POLR3E: variants seen among roughly 807,000 people sequenced by gnomAD.
POLR3E encodes the protein DNA-directed RNA polymerase III subunit RPC5.
POLR3E carries 41 observed loss-of-function variants against 96.6 expected under a neutral mutation model. The observed-to-expected ratio is 0.42, with a 90% CI of 0.33 to 0.55. The LOEUF (loss-of-function observed/expected upper bound fraction) is 0.55, where lower values mean the gene tolerates loss of function less well. Among genes scored for constraint, POLR3E ranks in the 20% least tolerant of loss-of-function variants. POLR3E has a pLI of 0.06. For synonymous variants in POLR3E, 396 were observed against 383.6 expected (o/e 1.03, Z -0.38); for missense variants, 849 against 952.1 (o/e 0.89, Z 1.43).
At chr16:22,317,635 CTTT>C (rs1393523057) in intron 12 of POLR3E, among the ~76,000 whole-genome samples, 4 of 145,632 alleles carry the variant, frequency 2.7e-5, no homozygotes, top group African/African-American at 1.1e-4. Flanking sequence ...GGACTAGGGG[CTTT>C]TTGTTGTTGT....
At chr16:22,298,411 G>A (rs1266623951) in intron 1 of POLR3E, among the ~76,000 whole-genome samples, 2 of 152,206 alleles carry the variant, frequency 1.3e-5, no homozygotes, top group South Asian at 2.1e-4. Context: ...CCTTCCCAGA[G>A]GTTACGTTTA....
chr16:22,308,350 C>A, intron 4 of POLR3E, 125 bp downstream of exon 4: 1 of 759,412 alleles, frequency 1.3e-6, no homozygotes. Flanking sequence ...CTCCCAGGCC[C>A]TTGAAAGCTG....
intron 10 of POLR3E, 89 bp from the exon 11 acceptor site, chr16:22,316,906 C>T: frequency 7.0e-7 from 1 of 1,435,742 alleles, no homozygotes; most frequent in Non-Finnish European, 9.8e-7. Flanking sequence ...GCTGTCTGCA[C>T]CCTCTCCCCA....
In POLR3E at chr16:22,326,348, C is replaced by T. The variant is rs1394212725; in HGVS notation, c.1866+70C>T. On this transcript the variant is annotated intron_variant, in intron 18 of 20. Coordinates refer to ENST00000299853, the MANE Select transcript of POLR3E (RefSeq NM_018119.4). Reference sequence around the variant, plus strand: ...GGGAGAACCAGCTGTTGGGAGGCCACGTGGGGACACGGGAGGCCATGCTTG... The same window carrying T: ...GGGAGAACCAGCTGTTGGGAGGCCATGTGGGGACACGGGAGGCCATGCTTG... 7 of 1,241,182 alleles carry T rather than the reference C, an allele frequency of 5.6e-6. No homozygotes were observed. In the African/African-American group the frequency reaches 6.0e-5, roughly 11 times the overall value. 76.9% of individuals were successfully genotyped at this position (1,241,182 alleles called of 1,614,324 possible).
At chr16:22,305,313 G>C in intron 3 of POLR3E, 107 bp downstream of exon 3, 1 of 830,082 alleles carries the variant, frequency 1.2e-6, no homozygotes, top group Non-Finnish European at 2.1e-6. Flanking sequence ...TAGGGTTCTC[G>C]GTGTGGAGAG....
intron 19 of POLR3E, 139 bp from the exon 20 acceptor site, chr16:22,331,921 C>A (rs1189587603): frequency 5.0e-6 from 4 of 802,328 alleles, no homozygotes; most frequent in South Asian, 1.7e-5. Context: ...CTTGGCTCAT[C>A]TTTAACCAGA....
chr16:22,321,267 T>C (rs1196550346), intron 13 of POLR3E, among the ~76,000 whole-genome samples: 2 of 152,266 alleles, frequency 1.3e-5, no homozygotes, highest in Non-Finnish European at 2.9e-5. Flanking sequence ...GTAGCATTAA[T>C]TGCATTAATA....
Position 22,313,765 on chromosome 16 carries a change from T to C in POLR3E, c.472+38T>C, listed in dbSNP as rs754086871. 4 of 1,373,306 alleles carry C rather than the reference T, an allele frequency of 2.9e-6. No homozygotes were observed. The highest frequency in any genetic ancestry group is 2.8e-5 in the African/African-American group (2 of 70,302). The allele number at this position is 1,373,306 out of a possible 1,614,324, so 85.1% of individuals were successfully genotyped here. A position where few individuals can be genotyped will look rare whatever the true frequency, so the allele number is the denominator to read the frequency against. On this transcript the variant is annotated intron_variant, in intron 7 of 20. Transcript: ENST00000299853. The surrounding 1 kb of genome is among the most constrained non-coding windows in gnomAD (Gnocchi z 4.1). Reference sequence around the variant, plus strand: ...TCCCCAGCCCTGCTGCCTGCCTGCCTTCATCCTGGTGGGATGGCTTGGTCC... The same window carrying C: ...TCCCCAGCCCTGCTGCCTGCCTGCCCTCATCCTGGTGGGATGGCTTGGTCC...
intron 17 of POLR3E, 55 bp from the exon 18 acceptor site, chr16:22,325,706 C>CT: frequency 6.7e-7 from 1 of 1,502,264 alleles, no homozygotes; most frequent in Non-Finnish European, 8.8e-7. Flanking sequence ...CCCTGCTGGG[C>CT]TTTTGGCTTC....
chr16:22,320,271 A>T (rs566553249), intron 13 of POLR3E, among the ~76,000 whole-genome samples: 25 of 149,136 alleles, frequency 1.7e-4, no homozygotes, highest in African/African-American at 4.7e-4. Context: ...GTGTATTTTT[A>T]TTTTTTTTTT....
intron 2 of POLR3E, among the ~76,000 whole-genome samples, chr16:22,303,296 C>T (rs1253789023): frequency 6.6e-6 from 1 of 152,100 alleles, no homozygotes; most frequent in African/African-American, 2.4e-5. Context: ...CTTACCTTGG[C>T]GGTAACTCAT....
rs952826515 is a variant in POLR3E, at chr16:22,333,706, G to A, written c.*6G>A. On this transcript the variant is annotated 3_prime_UTR_variant, in exon 21 of 21. Transcript: ENST00000299853. ...AAGGGACAGTACAGTCTTGACAATAGTAGCAAACTACTAACCCAGCAAATC... is the reference window on the plus strand; with the variant it reads ...AAGGGACAGTACAGTCTTGACAATAATAGCAAACTACTAACCCAGCAAATC... The A allele has an allele frequency of 3.8e-6, 6 of 1,595,844 alleles. No individual in the cohort carries two copies. Among genetic ancestry groups the A allele is most frequent in the Non-Finnish European group, 5.2e-6 (6 of 1,163,388 alleles).
At position 22,313,936 on chromosome 16, in the gene POLR3E, G is replaced by A. The variant is rs750557086; in HGVS notation, c.473-143G>A. 202 of 772,396 alleles carry A rather than the reference G, an allele frequency of 2.6e-4. 1 individual carries two copies. The highest frequency in any genetic ancestry group is 1.8e-3 in the Middle Eastern group (6 of 3,294). The allele number at this position is 772,396 out of a possible 1,614,324, so 47.8% of individuals were successfully genotyped here. ...AGGGTAAAGGGGCAAAACTGTCCCC[G>A]ATTGAGAACCACTGGCTTAGGCAGC... On this transcript the variant is annotated intron_variant, in intron 7 of 20. Coordinates refer to ENST00000299853, the MANE Select transcript of POLR3E (RefSeq NM_018119.4). The surrounding 1 kb of genome is among the most constrained non-coding windows in gnomAD (Gnocchi z 4.1).
chr16:22,314,182 G>C (rs748301541), intron 8 of POLR3E, 54 bp downstream of exon 8: 252 of 1,412,130 alleles, frequency 1.8e-4, no homozygotes, highest in Middle Eastern at 1.4e-3. Context: ...AGCAGGACCA[G>C]AGACCAAGGG....
intron 9 of POLR3E, 36 bp from the exon 10 acceptor site, chr16:22,316,565 C>G (rs1352744729): frequency 1.3e-6 from 2 of 1,554,232 alleles, no homozygotes; most frequent in Non-Finnish European, 1.8e-6. Context: ...GGGCCATCAG[C>G]TGAGGCTCCT....
chr16:22,298,590 T>C (rs983448094), intron 1 of POLR3E, among the ~76,000 whole-genome samples: 2 of 151,938 alleles, frequency 1.3e-5, no homozygotes, highest in African/African-American at 2.4e-5. Context: ...TGTTCTCGGG[T>C]CCAAGCTCTT....
In POLR3E at chr16:22,322,969, G is replaced by T; in HGVS notation, c.1068+38G>T. On this transcript the variant is annotated intron_variant, in intron 14 of 20. Coordinates refer to ENST00000299853, the MANE Select transcript of POLR3E (RefSeq NM_018119.4). This position sits in a 1 kb window ranked among gnomAD's most constrained non-coding sequence, Gnocchi z 5.2. ...GGTTCTCTGGACTCACGGTGGGGGC[G>T]TGGGAAGAGGGGGGCAGCGGTGCAG... The T allele has an allele frequency of 7.0e-7, 1 of 1,418,958 alleles. No homozygotes were observed. Among genetic ancestry groups the T allele is most frequent in the South Asian group, 1.2e-5 (1 of 84,970 alleles). 87.9% of individuals were successfully genotyped at this position (1,418,958 alleles called of 1,614,324 possible).
chr16:22,331,954 C>G, intron 19 of POLR3E, 106 bp from the exon 20 acceptor site: 2 of 1,150,324 alleles, frequency 1.7e-6, no homozygotes, highest in East Asian at 2.4e-5. Flanking sequence ...GGGTTTTTAT[C>G]AGAGACTGCA....
In POLR3E at chr16:22,322,878, A is replaced by G; in HGVS notation, c.1015A>G (p.Ser339Gly). 3.1e-6 allele frequency: 5 copies of G among 1,613,532 alleles called. No individual in the cohort carries two copies. Among genetic ancestry groups the G allele is most frequent in the Non-Finnish European group, 4.2e-6 (5 of 1,179,732 alleles). ...SDILYPKDSS[S>G]PHSGVPAEVL... The stretch of plus-strand genomic sequence containing the variant: ...CATCCTATACCCCAAGGACTCGTCC[A>G]GCCCTCACAGCGGCGTGCCTGCTGA... The change falls in exon 14 of 21, where the codon AGC becomes GGC. Residue 339 changes from serine to glycine, a missense_variant. Physicochemically the swap from Ser to Gly is moderately conservative, Grantham distance 56. Coordinates refer to ENST00000299853, the MANE Select transcript of POLR3E (RefSeq NM_018119.4). The surrounding 1 kb of genome is among the most constrained non-coding windows in gnomAD (Gnocchi z 5.2).
Sources: allele counts gnomAD v4.1 joint callset (sites outside exome capture counted in the v4.1 genomes callset), GRCh38; gene constraint gnomAD v4.1.1; non-coding constraint Gnocchi (gnomAD v3.1); transcripts MANE v1.5; gene names NCBI Gene and HGNC (gene_info 2026-07-23, HGNC 2026-07-21).